RIT2: variants seen among roughly 807,000 people sequenced by gnomAD.
RIT2 encodes the protein Ras like without CAAX 2, also known as GTP-binding protein Rit2.
RIT2 carries 24 observed loss-of-function variants against 23.7 expected under a neutral mutation model. The ratio of observed to expected loss-of-function variants is 1.01; its 90% confidence interval spans 0.73 to 1.43. RIT2 has a LOEUF of 1.43. Among genes scored for constraint, RIT2 ranks in the 40% most tolerant of loss-of-function variants. The pLI is 0.00. For synonymous variants in RIT2, 107 were observed against 91.1 expected, an observed-to-expected ratio of 1.17 and a Z score of -0.99; for missense variants, 236 against 266.9, an observed-to-expected ratio of 0.88 and a Z score of 0.81.
chr18:42,903,207 T>C (rs1247502001), intron 4 of RIT2, among the ~76,000 whole-genome samples: 1 of 152,000 alleles, frequency 6.6e-6, no homozygotes, highest in Non-Finnish European at 1.5e-5. Context: ...TTTCAGAATC[T>C]GATATAATAA....
rs1043213509 is a variant in RIT2, at chr18:42,909,845, G to A, written c.426+13727C>T. Among the ~76,000 whole-genome samples the A allele has an allele frequency of 5.3e-5, 8 of 152,042 alleles. 2 individuals are homozygous for A. The highest frequency in any genetic ancestry group is 5.2e-4 in the Admixed American group (8 of 15,266). ...CTTTAGAAAGTAAAGAATAGAATGA[G>A]TAAAAATTGCTGTAAACATAATAAG... On this transcript the variant is annotated intron_variant, in intron 4 of 4. Transcript: ENST00000326695.
chr18:43,084,493 C>T (rs1913235388), intron 1 of RIT2, among the ~76,000 whole-genome samples: 1 of 152,132 alleles, frequency 6.6e-6, no homozygotes, highest in South Asian at 2.1e-4. Flanking sequence ...CCCAAATGCC[C>T]ATCGATTATA....
Position 42,988,065 on chromosome 18 carries a change from C to A in RIT2, c.161-13918G>T, listed in dbSNP as rs867978449. 3.3e-4 allele frequency among the ~76,000 whole-genome samples: 50 copies of A among 152,162 alleles called. 2 individuals carry two copies. In the Middle Eastern group the frequency reaches 0.024, roughly 72 times the overall value. ...TACAAATTATATCACCAGAGTGTAT[C>A]AATAGTAGATGTATAAATCAACTCC... On this transcript the variant is annotated intron_variant, in intron 2 of 4. Coordinates refer to ENST00000326695, the MANE Select transcript of RIT2 (RefSeq NM_002930.4).
chr18:43,024,098 G>T (rs965480384), intron 2 of RIT2, among the ~76,000 whole-genome samples: 1 of 152,016 alleles, frequency 6.6e-6, no homozygotes, highest in Non-Finnish European at 1.5e-5. Context: ...TTTATAGGCC[G>T]TTGTCAGTTA....
intron 3 of RIT2, among the ~76,000 whole-genome samples, chr18:42,939,608 A>T (rs552891278): frequency 4.9e-4 from 75 of 152,228 alleles, no homozygotes; most frequent in African/African-American, 1.7e-3. Flanking sequence ...CTAAAAGAAA[A>T]TACCTATTTC....
chr18:43,072,444 T>C (rs62092706), intron 1 of RIT2, among the ~76,000 whole-genome samples: 13,626 of 152,256 alleles, frequency 0.089, 700 homozygotes, highest in East Asian at 0.19. Context: ...TTTAGCTTTG[T>C]ATGACTACAT....
At chr18:42,923,892 G>T in intron 3 of RIT2, 129 bp from the exon 4 acceptor site, 1 of 724,180 alleles carries the variant, frequency 1.4e-6, no homozygotes, top group Non-Finnish European at 2.1e-6. Flanking sequence ...AATCATAGGA[G>T]ATTTCATTTA....
At chr18:42,760,318 C>A (rs1913271402) in intron 4 of RIT2, among the ~76,000 whole-genome samples, 1 of 152,178 alleles carries the variant, frequency 6.6e-6, no homozygotes, top group Non-Finnish European at 1.5e-5. Flanking sequence ...AATGGCTGGA[C>A]ACACAGCATG....
At chr18:42,940,290 T>G (rs1407010540) in intron 3 of RIT2, among the ~76,000 whole-genome samples, 1 of 139,516 alleles carries the variant, frequency 7.2e-6, no homozygotes, top group East Asian at 2.3e-4. Context: ...ATTTCATATA[T>G]ATTAATATAT....
chr18:43,092,587 A>T (rs1214216693), intron 1 of RIT2, among the ~76,000 whole-genome samples: 1 of 152,048 alleles, frequency 6.6e-6, no homozygotes, highest in South Asian at 2.1e-4. Flanking sequence ...TCAAAGACAT[A>T]CTAAGTCCTT....
chr18:42,750,924 C>G (rs945844723), intron 4 of RIT2, among the ~76,000 whole-genome samples: 1 of 151,614 alleles, frequency 6.6e-6, no homozygotes, highest in African/African-American at 2.4e-5. Context: ...TATTTGAATT[C>G]TAATAAGAAG....
chr18:42,794,414 G>A (rs571296644), intron 4 of RIT2, among the ~76,000 whole-genome samples: 20 of 152,296 alleles, frequency 1.3e-4, no homozygotes, highest in Admixed American at 3.9e-4. Context: ...ATATTGAAAG[G>A]TATAGATCAT....
At chr18:42,962,446 C>T (rs1910114053) in intron 3 of RIT2, among the ~76,000 whole-genome samples, 3 of 152,112 alleles carry the variant, frequency 2.0e-5, no homozygotes, top group Non-Finnish European at 2.9e-5. Flanking sequence ...TTTTAACTTT[C>T]GTTTGAAACT....
chr18:43,081,096 A>G (rs1913147412), intron 1 of RIT2, among the ~76,000 whole-genome samples: 1 of 152,160 alleles, frequency 6.6e-6, no homozygotes, highest in Admixed American at 6.6e-5. Context: ...GTTATGTAAG[A>G]AATTAATCCA....
chr18:42,765,932 G>T (rs966396077), intron 4 of RIT2, among the ~76,000 whole-genome samples: 8 of 151,936 alleles, frequency 5.3e-5, no homozygotes, highest in African/African-American at 1.9e-4. Flanking sequence ...TTCCATTTTT[G>T]CTTCTTCCTC....
intron 4 of RIT2, among the ~76,000 whole-genome samples, chr18:42,866,055 CT>C (rs1054986008): frequency 2.6e-5 from 4 of 152,122 alleles, no homozygotes; most frequent in African/African-American, 9.7e-5. Context: ...TTATCTATTT[CT>C]TTTGTGTAAA....
At chr18:42,862,320 G>A (rs1039368208) in intron 4 of RIT2, among the ~76,000 whole-genome samples, 16 of 151,966 alleles carry the variant, frequency 1.1e-4, no homozygotes, top group East Asian at 9.7e-4. Context: ...CTTGCCTTCC[G>A]CCATGATTGT....
intron 4 of RIT2, among the ~76,000 whole-genome samples, chr18:42,826,678 A>G (rs1906306398): frequency 6.6e-6 from 1 of 152,122 alleles, no homozygotes; most frequent in Non-Finnish European, 1.5e-5. Context: ...GTTGGAATAA[A>G]AATGTTATTT....
At chr18:43,003,215 A>G (rs1419822732) in intron 2 of RIT2, among the ~76,000 whole-genome samples, 2 of 151,256 alleles carry the variant, frequency 1.3e-5, no homozygotes, top group Non-Finnish European at 3.0e-5. Flanking sequence ...GTCATTTGTT[A>G]TGACAGCAGT....
Sources: gnomAD v4.1 joint callset for allele counts (sites outside exome capture counted in the v4.1 genomes callset) on GRCh38, gnomAD v4.1.1 for gene constraint, MANE v1.5 for transcripts, NCBI Gene and HGNC (gene_info 2026-07-23, HGNC 2026-07-21) for gene names.